The following KLHL14 variants were observed in gnomAD, a reference collection of about 807,000 sequenced individuals.
KLHL14 encodes the protein kelch-like protein 14.
KLHL14 carries 22 observed loss-of-function variants against 64.3 expected under a neutral mutation model. That is an observed-to-expected ratio of 0.34 (90% CI 0.24 to 0.49). The LOEUF is 0.49. Ranked by LOEUF, KLHL14 falls within the 20% of genes least tolerant of loss-of-function variation. KLHL14 has a pLI of 0.99. For missense variants in KLHL14, 661 were observed against 789.0 expected, an observed-to-expected ratio of 0.84 and a Z score of 1.94; for synonymous variants, 322 against 333.4, an observed-to-expected ratio of 0.97 and a Z score of 0.37.
intron 2 of KLHL14, among the ~76,000 whole-genome samples, chr18:32,756,323 C>T (rs576933061): frequency 2.4e-4 from 36 of 152,268 alleles, no homozygotes; most frequent in African/African-American, 7.7e-4. Flanking sequence ...GCACCTTGGT[C>T]TTGAACTTCC....
In KLHL14 at chr18:32,747,292, T is replaced by C. The variant is rs1248097080; in HGVS notation, c.948-5243A>G. The stretch of plus-strand genomic sequence containing the variant: ...TCAGGATGATTCAAATGCAGTACAT[T>C]TATTGTGCACTTTATTTCTATTATT... On this transcript the variant is annotated intron_variant, in intron 2 of 8. Transcript: ENST00000359358. Among the ~76,000 whole-genome samples the C allele has an allele frequency of 2.6e-5, 4 of 152,254 alleles. No individual in the cohort carries two copies. In the East Asian group the frequency reaches 7.7e-4, roughly 29 times the overall value.
At chr18:32,734,826 T>A (rs1393979759) in intron 3 of KLHL14, among the ~76,000 whole-genome samples, 7 of 152,168 alleles carry the variant, frequency 4.6e-5, no homozygotes, top group Non-Finnish European at 8.8e-5. Context: ...AGTCACACGG[T>A]CAACACACAT....
At chr18:32,697,069 A>G (rs905453418) in intron 3 of KLHL14, among the ~76,000 whole-genome samples, 17 of 152,184 alleles carry the variant, frequency 1.1e-4, no homozygotes, top group Admixed American at 5.2e-4. Flanking sequence ...TGCGCGGTCC[A>G]TGAATTAGGT....
chr18:32,732,627 A>G (rs758753180), intron 3 of KLHL14, among the ~76,000 whole-genome samples: 2 of 152,196 alleles, frequency 1.3e-5, no homozygotes, highest in Non-Finnish European at 2.9e-5. Context: ...GACATGTCAA[A>G]TAGTGGAGTC....
At chr18:32,731,413 C>T (rs2144520318) in intron 3 of KLHL14, among the ~76,000 whole-genome samples, 1 of 151,838 alleles carries the variant, frequency 6.6e-6, no homozygotes, top group African/African-American at 2.4e-5. Flanking sequence ...CATGTTCTCT[C>T]TTATAAGTGG....
rs2050397984 is a variant in KLHL14, at chr18:32,772,775, C to G, written c.-152G>C. On this transcript the variant is annotated 5_prime_UTR_variant, in exon 1 of 9. Transcript: ENST00000359358. ...CTCCTTGGGAGGGGGAAAACACCTT[C>G]TGGTTCCCAACTCCAGGCAGTCACT... The G allele has an allele frequency of 6.5e-6, 1 of 152,854 alleles. No individual in the cohort carries two copies. The highest frequency in any genetic ancestry group is 2.1e-4 in the South Asian group (1 of 4,868). The allele number at this position is 152,854 out of a possible 1,614,324, so 9.5% of individuals were successfully genotyped here.
chr18:32,690,770 G>C (rs2049903513), intron 4 of KLHL14, among the ~76,000 whole-genome samples: 2 of 152,090 alleles, frequency 1.3e-5, no homozygotes, highest in Admixed American at 1.3e-4. Context: ...GTTTTGATTA[G>C]AAAAGAAGTT....
intron 4 of KLHL14, among the ~76,000 whole-genome samples, chr18:32,689,378 G>A (rs1185575489): frequency 2.0e-5 from 3 of 152,140 alleles, no homozygotes; most frequent in Non-Finnish European, 4.4e-5. Flanking sequence ...AGGGGGGAAA[G>A]GTGTGGTATT....
chr18:32,747,885 G>A (rs2050231574), intron 2 of KLHL14, among the ~76,000 whole-genome samples: 1 of 152,096 alleles, frequency 6.6e-6, no homozygotes, highest in Non-Finnish European at 1.5e-5. Context: ...AAACAGCTAT[G>A]CGTGACTATT....
intron 3 of KLHL14, among the ~76,000 whole-genome samples, chr18:32,732,032 C>G (rs1227720380): frequency 6.6e-6 from 1 of 152,012 alleles, no homozygotes; most frequent in Admixed American, 6.6e-5. Flanking sequence ...ACCAGCTTGG[C>G]CAACATGGCA....
chr18:32,686,098 G>A (rs1393166433), intron 5 of KLHL14, among the ~76,000 whole-genome samples: 1 of 148,066 alleles, frequency 6.8e-6, no homozygotes, highest in Admixed American at 6.8e-5. Context: ...TGCAACCTCT[G>A]CCCTCTGAGT....
intron 3 of KLHL14, among the ~76,000 whole-genome samples, chr18:32,710,650 A>G (rs2050014588): frequency 6.6e-6 from 1 of 152,198 alleles, no homozygotes; most frequent in African/African-American, 2.4e-5. Context: ...ACTGTAGTTA[A>G]TGATGTAATA....
intron 8 of KLHL14, among the ~76,000 whole-genome samples, chr18:32,675,778 T>C (rs992553571): frequency 1.6e-4 from 25 of 152,184 alleles, no homozygotes; most frequent in African/African-American, 6.0e-4. Context: ...CAATGTCTGC[T>C]TCCAAACAAA....
chr18:32,707,705 C>G (rs754460341), intron 3 of KLHL14, among the ~76,000 whole-genome samples: 3 of 152,096 alleles, frequency 2.0e-5, no homozygotes, highest in Non-Finnish European at 4.4e-5. Context: ...TGTCACCATT[C>G]GATGCTGGAA....
intron 7 of KLHL14, among the ~76,000 whole-genome samples, chr18:32,678,237 G>A (rs1324526320): frequency 6.6e-6 from 1 of 152,108 alleles, no homozygotes; most frequent in African/African-American, 2.4e-5. Flanking sequence ...CACCAAGCAG[G>A]TCAAACCCTT....
At chr18:32,692,505 G>A (rs948613274) in intron 4 of KLHL14, among the ~76,000 whole-genome samples, 4 of 152,072 alleles carry the variant, frequency 2.6e-5, no homozygotes, top group African/African-American at 7.2e-5. Flanking sequence ...AATTGCATGA[G>A]GTATTATAAT....
chr18:32,676,174 A>G (rs1198499669), intron 8 of KLHL14, among the ~76,000 whole-genome samples: 1 of 152,186 alleles, frequency 6.6e-6, no homozygotes, highest in Non-Finnish European at 1.5e-5. Flanking sequence ...AAGAAGCTGA[A>G]TTTAATTATG....
In KLHL14 at chr18:32,769,758, G is replaced by C; in HGVS notation, c.834C>G (p.Val278=). Residue 278 remains valine, a synonymous_variant, in exon 2 of 9, where the codon GTC becomes GTG. Transcript: ENST00000359358. The part of the protein sequence containing the change: ...LIPAPELVER[V]QSVDFMRTDP... Reference sequence around the variant, plus strand: ...CGGTTCGCATGAAATCCACTGACTGGACCCGCTCCACCAGCTCCGGGGCCG... The same window carrying C: ...CGGTTCGCATGAAATCCACTGACTGCACCCGCTCCACCAGCTCCGGGGCCG... 1 of 1,607,908 alleles carries C rather than the reference G, an allele frequency of 6.2e-7. No homozygotes were observed.
chr18:32,756,241 A>G (rs913687109), intron 2 of KLHL14, among the ~76,000 whole-genome samples: 3 of 152,234 alleles, frequency 2.0e-5, no homozygotes, highest in Non-Finnish European at 2.9e-5. Flanking sequence ...AGAAAAGGCC[A>G]TGTGGGCATA....
Sources: allele counts gnomAD v4.1 joint callset (sites outside exome capture counted in the v4.1 genomes callset), GRCh38; gene constraint gnomAD v4.1.1; transcripts MANE v1.5; gene names NCBI Gene and HGNC (gene_info 2026-07-23, HGNC 2026-07-21).